CALD1: variants seen among roughly 807,000 people sequenced by gnomAD.
The protein encoded by CALD1 is caldesmon 1, also known as caldesmon.
A neutral mutation model predicts 99.9 loss-of-function variants in CALD1; 33 were observed. The observed-to-expected ratio is 0.33, with a 90% CI of 0.25 to 0.44. The LOEUF (loss-of-function observed/expected upper bound fraction) is 0.44, where lower values mean the gene tolerates loss of function less well. Among genes scored for constraint, CALD1 ranks in the 20% least tolerant of loss-of-function variants. CALD1 has a pLI of 1.00. For missense variants in CALD1, 861 were observed against 962.1 expected, an observed-to-expected ratio of 0.89 and a Z score of 1.39; for synonymous variants, 310 against 325.0, an observed-to-expected ratio of 0.95 and a Z score of 0.50.
At chr7:134,757,118 G>A (rs1796736844) in intron 1 of CALD1, among the ~76,000 whole-genome samples, 1 of 143,210 alleles carries the variant, frequency 7.0e-6, no homozygotes, top group African/African-American at 2.5e-5. Context: ...TTTTTTTTAA[G>A]CCTGAGACAC....
rs116457885 is a variant in CALD1 at position 134,943,303 on chromosome 7, G to A, written c.1532+2066G>A. Among the ~76,000 whole-genome samples, 699 of 152,032 alleles carry A rather than the reference G, an allele frequency of 4.6e-3. 4 individuals carry two copies. Among genetic ancestry groups the A allele is most frequent in the African/African-American group, 0.016 (671 of 41,452 alleles). On this transcript the variant is annotated intron_variant, in intron 7 of 14. Transcript: ENST00000361675. ...AGCCAAGGACGGGGGTAGGGTGGTG[G>A]GGGTGGGGTGCGGGGAGAAAGAACT...
At chr7:134,734,847 T>C in the CALD1 span, 370 of 153,376 alleles carry the variant, frequency 2.4e-3, 1 homozygote, top group Non-Finnish European at 3.4e-3. Flanking sequence ...GTTTCGGGTA[T>C]GTCTTTATTA....
chr7:134,970,391 G>A lies in CALD1; in HGVS notation c.*2046G>A, dbSNP rs183478333. ...ACTTTTATTCCAATATTTGGATGGA[G>A]TAAGTTTTAGGGTAGAATTTTGTTC... On this transcript the variant is annotated 3_prime_UTR_variant, in exon 15 of 15. Coordinates refer to ENST00000361675, the MANE Select transcript of CALD1 (RefSeq NM_033138.4). 16 of 152,658 alleles carry A rather than the reference G, an allele frequency of 1.0e-4. No homozygotes were observed. Among genetic ancestry groups the A allele is most frequent in the Admixed American group, 5.9e-4 (9 of 15,306 alleles). The allele number at this position is 152,658 out of a possible 1,614,324, so 9.5% of individuals were successfully genotyped here.
chr7:134,943,859 C>T (rs1189247695), intron 7 of CALD1, among the ~76,000 whole-genome samples: 1 of 152,174 alleles, frequency 6.6e-6, no homozygotes, highest in East Asian at 1.9e-4. Flanking sequence ...TGTGTCATAG[C>T]TTGCTTTCTA....
chr7:134,910,670 C>T (rs765090707), intron 3 of CALD1, among the ~76,000 whole-genome samples: 9 of 152,074 alleles, frequency 5.9e-5, no homozygotes, highest in Non-Finnish European at 1.2e-4. Context: ...CACACACACA[C>T]GCTCTTGAAG....
intron 7 of CALD1, among the ~76,000 whole-genome samples, chr7:134,942,972 C>T (rs1335034597): frequency 6.6e-6 from 1 of 152,062 alleles, no homozygotes; most frequent in Non-Finnish European, 1.5e-5. Flanking sequence ...AGAACACTTA[C>T]GTGTGACTCT....
chr7:134,750,428 A>G (rs1194266632), intron 1 of CALD1, among the ~76,000 whole-genome samples: 1 of 152,204 alleles, frequency 6.6e-6, no homozygotes, highest in African/African-American at 2.4e-5. Context: ...CCCAAGACAC[A>G]AGTTTCTTTC....
chr7:134,897,428 C>T (rs559597602), intron 3 of CALD1, among the ~76,000 whole-genome samples: 1 of 149,382 alleles, frequency 6.7e-6, no homozygotes, highest in Non-Finnish European at 1.5e-5. Context: ...TTTCACAAAA[C>T]GGTGCTCACA....
chr7:134,914,324 T>G (rs910592290), intron 3 of CALD1, among the ~76,000 whole-genome samples: 4 of 152,206 alleles, frequency 2.6e-5, no homozygotes, highest in African/African-American at 9.7e-5. Flanking sequence ...TTCTAAATGA[T>G]TGTAGGACTT....
intron 1 of CALD1, among the ~76,000 whole-genome samples, chr7:134,780,493 C>T (rs919214162): frequency 2.0e-5 from 3 of 152,046 alleles, no homozygotes; most frequent in African/African-American, 7.2e-5. Flanking sequence ...ATCTTTTTTT[C>T]TGTTTGAAAG....
the CALD1 span, among the ~76,000 whole-genome samples, chr7:134,721,329 CAAA>C: frequency 1.3e-4 from 16 of 123,718 alleles, no homozygotes; most frequent in Non-Finnish European, 2.0e-4. Flanking sequence ...AAGTCATCTG[CAAA>C]AAAAAAAAAA....
the CALD1 span, among the ~76,000 whole-genome samples, chr7:134,728,865 T>C: frequency 7.3e-6 from 1 of 136,518 alleles, no homozygotes; most frequent in African/African-American, 2.9e-5. Flanking sequence ...TTTTTTTTTT[T>C]TTTTTGACCC....
intron 3 of CALD1, chr7:134,920,537 T>C: frequency 9.0e-6 from 11 of 1,225,224 alleles, no homozygotes; most frequent in Non-Finnish European, 1.2e-5. Context: ...TCATGGGGAG[T>C]GTATTGCTGC....
chr7:134,774,913 G>A (rs556691208), upstream of CALD1, among the ~76,000 whole-genome samples: 1 of 152,214 alleles, frequency 6.6e-6, no homozygotes, highest in Admixed American at 6.5e-5. Flanking sequence ...GGAGAGGTTT[G>A]GGGAAGCAGA....
chr7:134,729,400 G>A, the CALD1 span, among the ~76,000 whole-genome samples: 183 of 152,316 alleles, frequency 1.2e-3, 3 homozygotes, highest in Non-Finnish European at 2.9e-4. Context: ...GGTGGTTTCC[G>A]ATGTCTACCT....
In CALD1 at chr7:134,968,647, G is replaced by A; in HGVS notation, c.*302G>A. 1.7e-6 allele frequency: 1 copy of A among 596,100 alleles called. No individual in the cohort carries two copies. Among genetic ancestry groups the A allele is most frequent in the Non-Finnish European group, 3.1e-6 (1 of 317,788 alleles). 36.9% of individuals were successfully genotyped at this position (596,100 alleles called of 1,614,324 possible). A position where few individuals can be genotyped will look rare whatever the true frequency, so the allele number is the denominator to read the frequency against. On this transcript the variant is annotated 3_prime_UTR_variant, in exon 15 of 15. Transcript: ENST00000361675. Reference sequence around the variant, plus strand: ...CTGAGCAGTGATACCAACCACATCTGAAGTCAACAGAAGATCCAAGTTTAA... The same window carrying A: ...CTGAGCAGTGATACCAACCACATCTAAAGTCAACAGAAGATCCAAGTTTAA...
chr7:134,823,005 G>C (rs1404897760), intron 1 of CALD1, among the ~76,000 whole-genome samples: 2 of 152,110 alleles, frequency 1.3e-5, no homozygotes, highest in Non-Finnish European at 2.9e-5. Context: ...TTGGTGAATA[G>C]GTCTGTAGAA....
intron 3 of CALD1, among the ~76,000 whole-genome samples, chr7:134,925,608 A>C (rs558423043): frequency 6.6e-6 from 1 of 152,270 alleles, no homozygotes; most frequent in South Asian, 2.1e-4. Flanking sequence ...GAGTGAGCGA[A>C]GGAGGAACTT....
At chr7:134,825,127 T>C (rs908086680) in intron 1 of CALD1, among the ~76,000 whole-genome samples, 2 of 152,180 alleles carry the variant, frequency 1.3e-5, no homozygotes, top group Admixed American at 6.6e-5. Flanking sequence ...TTTCTATTAT[T>C]TGACCTAAAA....
Sources: gnomAD v4.1 joint callset for allele counts (sites outside exome capture counted in the v4.1 genomes callset) on GRCh38, gnomAD v4.1.1 for gene constraint, MANE v1.5 for transcripts, NCBI Gene and HGNC (gene_info 2026-07-23, HGNC 2026-07-21) for gene names.